IGSF11: variants seen among roughly 807,000 people sequenced by gnomAD.
The protein encoded by IGSF11 is CXADR like 1.
Under a neutral mutation model 41.0 loss-of-function variants are expected in IGSF11, and 22 were observed. The observed-to-expected ratio is 0.54, with a 90% CI of 0.38 to 0.77. The LOEUF is 0.77. Among genes scored for constraint, IGSF11 ranks in the 30% least tolerant of loss-of-function variants. IGSF11 has a pLI of 0.00. For synonymous variants in IGSF11, 219 were observed against 201.3 expected, an observed-to-expected ratio of 1.09 and a Z score of -0.74; for missense variants, 444 against 530.8, an observed-to-expected ratio of 0.84 and a Z score of 1.61.
At chr3:118,978,185 T>C (rs1221269953) in intron 1 of IGSF11, among the ~76,000 whole-genome samples, 3 of 152,148 alleles carry the variant, frequency 2.0e-5, no homozygotes. Flanking sequence ...TCCAGTCCAC[T>C]GCCCGTGGCA....
chr3:119,079,140 C>A (rs1200370090), intron 1 of IGSF11, among the ~76,000 whole-genome samples: 1 of 151,982 alleles, frequency 6.6e-6, no homozygotes, highest in East Asian at 1.9e-4. Flanking sequence ...GGCAGATCAC[C>A]TGAGGTCAGG....
chr3:119,135,136 C>T (rs1283861599), intron 1 of IGSF11, among the ~76,000 whole-genome samples: 1 of 152,132 alleles, frequency 6.6e-6, no homozygotes, highest in African/African-American at 2.4e-5. Context: ...CAATACCGTT[C>T]AGGACATAGG....
At chr3:119,026,984 G>C (rs1260928684) in intron 1 of IGSF11, among the ~76,000 whole-genome samples, 1 of 152,066 alleles carries the variant, frequency 6.6e-6, no homozygotes, top group Non-Finnish European at 1.5e-5. Context: ...TGGAAAACTT[G>C]TATCTGACAT....
chr3:119,055,695 T>C (rs1311448580), intron 1 of IGSF11, among the ~76,000 whole-genome samples: 3 of 152,176 alleles, frequency 2.0e-5, no homozygotes, highest in African/African-American at 7.2e-5. Flanking sequence ...ACCACACTTA[T>C]TTGAAAATTG....
intron 1 of IGSF11, among the ~76,000 whole-genome samples, chr3:119,008,770 GT>G (rs983656107): frequency 6.6e-6 from 1 of 152,192 alleles, no homozygotes; most frequent in Non-Finnish European, 1.5e-5. Context: ...CTGTGAGGGT[GT>G]TTTTTAATGA....
At chr3:118,981,507 A>G (rs1053059145) in intron 1 of IGSF11, among the ~76,000 whole-genome samples, 4 of 151,854 alleles carry the variant, frequency 2.6e-5, no homozygotes, top group Admixed American at 2.6e-4. Context: ...TTCATATCAG[A>G]AGGAAGGGTA....
At chr3:118,935,736 C>A (rs889919013) in intron 1 of IGSF11, among the ~76,000 whole-genome samples, 7 of 152,140 alleles carry the variant, frequency 4.6e-5, no homozygotes, top group Non-Finnish European at 7.4e-5. Flanking sequence ...GCTGATGGGA[C>A]CTCAGTAGAG....
At chr3:118,944,289 T>A (rs1403741855) in intron 1 of IGSF11, among the ~76,000 whole-genome samples, 2 of 152,184 alleles carry the variant, frequency 1.3e-5, no homozygotes, top group Non-Finnish European at 2.9e-5. Flanking sequence ...TAATACAATG[T>A]ATCTAGGTTT....
intron 1 of IGSF11, among the ~76,000 whole-genome samples, chr3:119,101,299 C>G (rs144692442): frequency 6.6e-6 from 1 of 152,102 alleles, no homozygotes; most frequent in Non-Finnish European, 1.5e-5. Context: ...TACCTGAGGT[C>G]GGGAGTTCAA....
intron 1 of IGSF11, among the ~76,000 whole-genome samples, chr3:119,141,530 G>T (rs2077647891): frequency 6.7e-6 from 1 of 149,624 alleles, no homozygotes; most frequent in Admixed American, 6.7e-5. Flanking sequence ...TTTTAACTAG[G>T]TTGACCACAT....
chr3:119,143,353 A>T (rs1184033534), intron 1 of IGSF11, among the ~76,000 whole-genome samples: 3 of 152,210 alleles, frequency 2.0e-5, no homozygotes, highest in Non-Finnish European at 2.9e-5. Flanking sequence ...TGTATTATAT[A>T]ACAGCAGGGT....
chr3:119,022,005 T>G (rs528200623), intron 1 of IGSF11, among the ~76,000 whole-genome samples: 2 of 152,176 alleles, frequency 1.3e-5, no homozygotes, highest in Non-Finnish European at 2.9e-5. Flanking sequence ...ATGGACTCCT[T>G]AATTTTAAAA....
chr3:119,051,446 G>A (rs1313020831), intron 1 of IGSF11, among the ~76,000 whole-genome samples: 1 of 152,056 alleles, frequency 6.6e-6, no homozygotes, highest in African/African-American at 2.4e-5. Flanking sequence ...AAATATACAT[G>A]CACCTAACAC....
chr3:119,115,806 T>C (rs935430145), intron 1 of IGSF11, among the ~76,000 whole-genome samples: 7 of 152,212 alleles, frequency 4.6e-5, no homozygotes, highest in Non-Finnish European at 1.0e-4. Flanking sequence ...GTACAATCTA[T>C]ATAATCTTCT....
chr3:118,982,025 G>C (rs1050006690), intron 1 of IGSF11: 1 of 152,274 alleles, frequency 6.6e-6, no homozygotes, highest in Non-Finnish European at 1.5e-5. Context: ...TCTCTGCCCA[G>C]TCATGGCTCT....
chr3:119,045,462 G>C (rs1002099992), intron 1 of IGSF11, among the ~76,000 whole-genome samples: 1 of 152,206 alleles, frequency 6.6e-6, no homozygotes. Flanking sequence ...CGCACCATGA[G>C]ATTATATCCC....
intron 1 of IGSF11, among the ~76,000 whole-genome samples, chr3:119,139,889 T>C (rs1330194848): frequency 6.6e-6 from 1 of 152,216 alleles, no homozygotes; most frequent in East Asian, 1.9e-4. Context: ...GAACATAGTA[T>C]ACTGGAGCAA....
At chr3:119,025,278 G>A (rs1249724597) in intron 1 of IGSF11, among the ~76,000 whole-genome samples, 3 of 152,086 alleles carry the variant, frequency 2.0e-5, no homozygotes, top group Middle Eastern at 3.2e-3. Context: ...TTATAGAACT[G>A]GAAAAGAACA....
intron 1 of IGSF11, among the ~76,000 whole-genome samples, chr3:119,044,057 A>G (rs1237005751): frequency 6.6e-6 from 1 of 152,212 alleles, no homozygotes; most frequent in Admixed American, 6.5e-5. Context: ...AAACCAAGAA[A>G]AAATCTCTGA....
Sources: allele counts gnomAD v4.1 joint callset (sites outside exome capture counted in the v4.1 genomes callset), GRCh38; gene constraint gnomAD v4.1.1; transcripts MANE v1.5; gene names NCBI Gene and HGNC (gene_info 2026-07-23, HGNC 2026-07-21).